GLRA3: variants seen among roughly 807,000 people sequenced by gnomAD.
GLRA3 encodes glycine receptor subunit alpha-3.
A neutral mutation model predicts 60.4 loss-of-function variants in GLRA3; 44 were observed. The observed-to-expected ratio is 0.73, with a 90% CI of 0.57 to 0.94. The LOEUF (loss-of-function observed/expected upper bound fraction) is 0.94. Among genes scored for constraint, GLRA3 ranks in the 40% least tolerant of loss-of-function variants. The pLI, the probability that GLRA3 is intolerant of heterozygous loss-of-function variation, is 0.00. For synonymous variants in GLRA3, 223 were observed against 192.9 expected (o/e 1.16, Z -1.29); for missense variants, 508 against 564.6 (o/e 0.90, Z 1.02).
At chr4:174,751,895 T>G (rs1017416059) in intron 3 of GLRA3, among the ~76,000 whole-genome samples, 3 of 152,062 alleles carry the variant, frequency 2.0e-5, no homozygotes, top group African/African-American at 7.2e-5. Context: ...TACTAAAATT[T>G]CACGGGGAGG....
chr4:174,729,356 A>G (rs1313501135), intron 3 of GLRA3, among the ~76,000 whole-genome samples: 1 of 152,204 alleles, frequency 6.6e-6, no homozygotes, highest in Non-Finnish European at 1.5e-5. Context: ...CTTTTTCACA[A>G]TGAAAGCCCA....
At chr4:174,821,261 AAT>A (rs1210878295) in intron 1 of GLRA3, among the ~76,000 whole-genome samples, 1 of 152,204 alleles carries the variant, frequency 6.6e-6, no homozygotes, top group Admixed American at 6.5e-5. Flanking sequence ...TTTATGGAAA[AAT>A]ATACTGCTAA....
intron 1 of GLRA3, among the ~76,000 whole-genome samples, chr4:174,790,972 G>C (rs1168851648): frequency 1.4e-5 from 2 of 146,480 alleles, no homozygotes; most frequent in Admixed American, 6.9e-5. Flanking sequence ...CGACGGCACT[G>C]CAGCCTGGAC....
intron 3 of GLRA3, among the ~76,000 whole-genome samples, chr4:174,748,307 T>C (rs1579546232): frequency 1.3e-5 from 2 of 152,324 alleles, no homozygotes; most frequent in East Asian, 1.9e-4. Context: ...AAGTGGTTCA[T>C]TGTTGTTATT....
intron 5 of GLRA3, among the ~76,000 whole-genome samples, chr4:174,711,431 A>T (rs1034228321): frequency 5.2e-4 from 56 of 107,266 alleles, no homozygotes; most frequent in African/African-American, 9.3e-4. Flanking sequence ...TTTCCTAATT[A>T]TATATATATA....
intron 5 of GLRA3, among the ~76,000 whole-genome samples, chr4:174,704,023 G>C (rs1561066464): frequency 9.7e-6 from 1 of 103,264 alleles, no homozygotes; most frequent in Admixed American, 1.0e-4. Flanking sequence ...GGCTGGGCAC[G>C]GTGGCACAGG....
intron 2 of GLRA3, among the ~76,000 whole-genome samples, chr4:174,788,424 T>C (rs1193201289): frequency 2.6e-5 from 4 of 151,818 alleles, no homozygotes; most frequent in Non-Finnish European, 5.9e-5. Context: ...ATATAGACAG[T>C]AGTAAAGTGG....
intron 3 of GLRA3, among the ~76,000 whole-genome samples, chr4:174,753,805 C>G (rs1737577390): frequency 6.6e-6 from 1 of 152,148 alleles, no homozygotes; most frequent in African/African-American, 2.4e-5. Flanking sequence ...TTTAACTCTA[C>G]AATCTTTATT....
intron 1 of GLRA3, among the ~76,000 whole-genome samples, chr4:174,803,827 A>G (rs1739918999): frequency 6.6e-6 from 1 of 152,208 alleles, no homozygotes; most frequent in African/African-American, 2.4e-5. Context: ...AAGACTGAGC[A>G]CCATAAAATT....
intron 8 of GLRA3, 44 bp downstream of exon 8, chr4:174,659,010 G>A: frequency 1.9e-6 from 3 of 1,543,884 alleles, no homozygotes; most frequent in South Asian, 1.2e-5. Context: ...TCACTTTCGA[G>A]TGAAAACTGG....
At chr4:174,767,663 TCTTCC>T (rs769019469) in intron 2 of GLRA3, among the ~76,000 whole-genome samples, 1 of 152,118 alleles carries the variant, frequency 6.6e-6, no homozygotes, top group Non-Finnish European at 1.5e-5. Context: ...AGCCAATAAA[TCTTCC>T]ACTCTTGCCA....
At chr4:174,765,002 A>G (rs1246348696) in intron 3 of GLRA3, among the ~76,000 whole-genome samples, 1 of 152,036 alleles carries the variant, frequency 6.6e-6, no homozygotes, top group Non-Finnish European at 1.5e-5. Flanking sequence ...ATGTTCATTG[A>G]CACTGCTTGA....
Position 174,771,115 on chromosome 4 carries a change from G to A in GLRA3, c.200-4085C>T, listed in dbSNP as rs186254157. Among the ~76,000 whole-genome samples, 401 of 151,248 alleles carry A rather than the reference G, an allele frequency of 2.7e-3. 4 individuals are homozygous for A. Among genetic ancestry groups the A allele is most frequent in the African/African-American group, 9.5e-3 (391 of 41,190 alleles). On this transcript the variant is annotated intron_variant, in intron 2 of 9. Transcript: ENST00000274093. ...GGGGAGGGGGGATGGATAGCATTAG[G>A]AGATATACCTAATGCTAAATGACGA...
At position 174,789,760 on chromosome 4, in the gene GLRA3, A is replaced by G. The variant is rs543853553; in HGVS notation, c.72-817T>C. On this transcript the variant is annotated intron_variant, in intron 1 of 9. Transcript: ENST00000274093. The stretch of plus-strand genomic sequence containing the variant: ...GCTGGGGCCTGCTTGTTAAGATCAA[A>G]TGATTCTTTTTATCCACAGAGTTTT... Among the ~76,000 whole-genome samples the G allele has an allele frequency of 9.2e-5, 14 of 152,268 alleles. No individual in the cohort carries two copies. The East Asian group carries it at 2.7e-3, about 29-fold the overall frequency.
At chr4:174,684,265 A>T (rs763751603) in intron 5 of GLRA3, among the ~76,000 whole-genome samples, 1 of 152,124 alleles carries the variant, frequency 6.6e-6, no homozygotes, top group Non-Finnish European at 1.5e-5. Flanking sequence ...AATAAATAAC[A>T]ACTTGGGGTT....
At chr4:174,786,381 G>C (rs554753860) in intron 2 of GLRA3, among the ~76,000 whole-genome samples, 1 of 152,020 alleles carries the variant, frequency 6.6e-6, no homozygotes. Flanking sequence ...TGTTTGATGA[G>C]CTTATTTTTG....
chr4:174,784,315 T>A (rs1488884389), intron 2 of GLRA3, among the ~76,000 whole-genome samples: 7 of 106,076 alleles, frequency 6.6e-5, no homozygotes, highest in African/African-American at 7.2e-5. Flanking sequence ...TGGGGACTGT[T>A]GTGGGGTGCG....
At chr4:174,811,223 A>G (rs571275641) in intron 1 of GLRA3, among the ~76,000 whole-genome samples, 2 of 150,304 alleles carry the variant, frequency 1.3e-5, no homozygotes, top group South Asian at 4.2e-4. Flanking sequence ...TAAACAGGGA[A>G]TTTGCTCTGA....
At chr4:174,693,926 G>A (rs1359274658) in intron 5 of GLRA3, among the ~76,000 whole-genome samples, 1 of 152,052 alleles carries the variant, frequency 6.6e-6, no homozygotes, top group Non-Finnish European at 1.5e-5. Flanking sequence ...GAAAAAGCAA[G>A]GGTTGCAATC....
Sources: gnomAD v4.1 joint callset for allele counts (sites outside exome capture counted in the v4.1 genomes callset) on GRCh38, gnomAD v4.1.1 for gene constraint, MANE v1.5 for transcripts, NCBI Gene and HGNC (gene_info 2026-07-23, HGNC 2026-07-21) for gene names.